The following ZNF804B variants were observed in gnomAD, a reference collection of about 807,000 sequenced individuals.
ZNF804B encodes the protein zinc finger 804B.
A neutral mutation model predicts 101.4 loss-of-function variants in ZNF804B; 80 were observed. The observed-to-expected ratio is 0.79, with a 90% confidence interval of 0.66 to 0.95. The LOEUF (loss-of-function observed/expected upper bound fraction) is 0.95. Among genes scored for constraint, ZNF804B ranks in the 40% least tolerant of loss-of-function variants. The probability of loss-of-function intolerance (pLI) is 0.00; values close to 1 mark genes in which losing one functional copy is unlikely to be tolerated. For synonymous variants in ZNF804B, 622 were observed against 558.8 expected (o/e 1.11, Z -1.59); for missense variants, 1,673 against 1,561.9 (o/e 1.07, Z -1.20).
intron 1 of ZNF804B, among the ~76,000 whole-genome samples, chr7:88,911,511 A>G (rs1475519580): frequency 6.7e-6 from 1 of 149,648 alleles, no homozygotes; most frequent in Non-Finnish European, 1.5e-5. Flanking sequence ...TTTTTATATA[A>G]TTTATATATT....
intron 1 of ZNF804B, among the ~76,000 whole-genome samples, chr7:89,163,908 T>G (rs1244457203): frequency 1.3e-5 from 2 of 152,028 alleles, no homozygotes; most frequent in South Asian, 2.1e-4. Context: ...TGTTTCTTTC[T>G]TCTTCCTCTC....
intron 1 of ZNF804B, among the ~76,000 whole-genome samples, chr7:89,160,874 G>T (rs2116419401): frequency 1.3e-5 from 2 of 152,250 alleles, no homozygotes; most frequent in South Asian, 4.1e-4. Flanking sequence ...AACAGAGACT[G>T]AAGAAATGGA....
At chr7:89,021,737 C>A (rs761351525) in intron 1 of ZNF804B, among the ~76,000 whole-genome samples, 22 of 152,084 alleles carry the variant, frequency 1.4e-4, no homozygotes, top group Admixed American at 6.5e-4. Flanking sequence ...ACACAGCCAC[C>A]CATGTGGGCT....
chr7:89,169,503 GGT>G lies in ZNF804B; in HGVS notation c.109-48651_109-48650del, dbSNP rs1791193547. Among the ~76,000 whole-genome samples the G allele has an allele frequency of 4.6e-5, 7 of 152,160 alleles. No homozygotes were observed. In the South Asian group the frequency reaches 1.5e-3, roughly 32 times the overall value. On this transcript the variant is annotated intron_variant, in intron 1 of 3. Coordinates refer to ENST00000333190, the MANE Select transcript of ZNF804B (RefSeq NM_181646.5). ...AAGCCCTGTGTTTAAAGTTAGGTGT[GGT>G]CACCTTCCCCAGCTAGGCTTAGGAA...
rs140902716 is a variant in ZNF804B at position 88,785,169 on chromosome 7, C to T, written c.108+25085C>T. ...CACCTCAAATTCGGCATGTTCAAAA[C>T]GACAAACCTCATCTCACTCCCTGTG... On this transcript the variant is annotated intron_variant, in intron 1 of 3. Coordinates refer to ENST00000333190, the MANE Select transcript of ZNF804B (RefSeq NM_181646.5). Among the ~76,000 whole-genome samples, 1,128 of 152,164 alleles carry T rather than the reference C, an allele frequency of 7.4e-3. 14 individuals are homozygous for T. The highest frequency in any genetic ancestry group is 0.026 in the African/African-American group (1,063 of 41,530).
chr7:89,240,473 T>A (rs1789351460), intron 2 of ZNF804B, among the ~76,000 whole-genome samples: 1 of 151,958 alleles, frequency 6.6e-6, no homozygotes, highest in Non-Finnish European at 1.5e-5. Context: ...AATTCTTATA[T>A]ATTCTAAGTG....
At chr7:89,188,701 T>G (rs995204642) in intron 1 of ZNF804B, among the ~76,000 whole-genome samples, 1 of 152,060 alleles carries the variant, frequency 6.6e-6, no homozygotes, top group Admixed American at 6.6e-5. Context: ...ATGGAGAAAG[T>G]TTGAGTGGAC....
At chr7:88,788,472 G>A (rs999103551) in intron 1 of ZNF804B, among the ~76,000 whole-genome samples, 6 of 152,088 alleles carry the variant, frequency 3.9e-5, no homozygotes, top group African/African-American at 1.4e-4. Flanking sequence ...GTTTGAGAAG[G>A]CTTCACTGAC....
Position 89,336,202 on chromosome 7 carries a change from C to G in ZNF804B, c.3220C>G (p.Pro1074Ala). 1 of 1,613,764 alleles carries G rather than the reference C, an allele frequency of 6.2e-7. No homozygotes were observed. The highest frequency in any genetic ancestry group is 8.5e-7 in the Non-Finnish European group (1 of 1,179,958). ...CTGTGACCCAGTACCAAATGAATTC[C>G]CTGGTGCTTTTCCGTCTAATAAATA... ...QSCDPVPNEFPGAFPSNKYTG... is the reference protein window; with the variant it reads ...QSCDPVPNEFAGAFPSNKYTG... The change falls in exon 4 of 4, where the codon CCT becomes GCT. Residue 1074 changes from proline to alanine, a missense_variant. Coordinates refer to ENST00000333190, the MANE Select transcript of ZNF804B (RefSeq NM_181646.5).
At chr7:88,989,020 A>AT (rs1793805612) in intron 1 of ZNF804B, among the ~76,000 whole-genome samples, 2 of 151,196 alleles carry the variant, frequency 1.3e-5, no homozygotes, top group East Asian at 2.0e-4. Context: ...GGTTTTATTT[A>AT]TTATTATTAT....
intron 1 of ZNF804B, among the ~76,000 whole-genome samples, chr7:89,055,377 C>T (rs1166464059): frequency 6.6e-6 from 1 of 152,060 alleles, no homozygotes; most frequent in Non-Finnish European, 1.5e-5. Flanking sequence ...AATAGCAAAA[C>T]GCTAAGATCT....
chr7:88,959,357 G>A (rs1037494789), intron 1 of ZNF804B, among the ~76,000 whole-genome samples: 2 of 151,260 alleles, frequency 1.3e-5, no homozygotes, highest in Non-Finnish European at 3.0e-5. Flanking sequence ...GATTGTTTGA[G>A]GGAATGTTTT....
At chr7:88,951,328 A>G (rs1444430252) in intron 1 of ZNF804B, among the ~76,000 whole-genome samples, 2 of 151,884 alleles carry the variant, frequency 1.3e-5, no homozygotes, top group Non-Finnish European at 2.9e-5. Flanking sequence ...AACATTTTGT[A>G]TTAATATAGA....
chr7:89,128,330 A>C lies in ZNF804B; in HGVS notation c.109-89825A>C, dbSNP rs1269025443. 3.3e-5 allele frequency among the ~76,000 whole-genome samples: 5 copies of C among 151,962 alleles called. No homozygotes were observed. The East Asian group carries it at 9.7e-4, about 29-fold the overall frequency. On this transcript the variant is annotated intron_variant, in intron 1 of 3. Coordinates refer to ENST00000333190, the MANE Select transcript of ZNF804B (RefSeq NM_181646.5). ...AAATTGTAGCAATTTCTCCCCAATG[A>C]AAGCTAGATTTAACCATTTCACAAT...
chr7:89,292,860 A>C (rs1790319204), intron 2 of ZNF804B, among the ~76,000 whole-genome samples: 1 of 152,008 alleles, frequency 6.6e-6, no homozygotes, highest in Non-Finnish European at 1.5e-5. Context: ...GTAACATCTG[A>C]AATAGCATCA....
intron 2 of ZNF804B, among the ~76,000 whole-genome samples, chr7:89,296,338 C>T (rs1024387555): frequency 6.6e-6 from 1 of 151,862 alleles, no homozygotes; most frequent in Admixed American, 6.6e-5. Context: ...AAATGTTTGA[C>T]CTCTTTATTT....
intron 1 of ZNF804B, among the ~76,000 whole-genome samples, chr7:88,836,659 T>A (rs1471351210): frequency 6.6e-6 from 1 of 151,918 alleles, no homozygotes; most frequent in Non-Finnish European, 1.5e-5. Flanking sequence ...TGAATGTTGA[T>A]CAACATTCTA....
intron 1 of ZNF804B, among the ~76,000 whole-genome samples, chr7:88,832,491 A>C (rs1418698230): frequency 6.6e-6 from 1 of 151,930 alleles, no homozygotes; most frequent in African/African-American, 2.4e-5. Context: ...TTAGACCTGC[A>C]CAACACAGTC....
At chr7:88,976,622 T>A (rs1009257964) in intron 1 of ZNF804B, among the ~76,000 whole-genome samples, 3 of 151,466 alleles carry the variant, frequency 2.0e-5, no homozygotes, top group Non-Finnish European at 4.4e-5. Flanking sequence ...TTAGTTTTAA[T>A]TTTTTTGGTG....
Sources: gnomAD v4.1 joint callset for allele counts (sites outside exome capture counted in the v4.1 genomes callset) on GRCh38, gnomAD v4.1.1 for gene constraint, MANE v1.5 for transcripts, NCBI Gene and HGNC (gene_info 2026-07-23, HGNC 2026-07-21) for gene names.